The following STXBP6 variants were observed in gnomAD, a reference collection of about 807,000 sequenced individuals.
The protein encoded by STXBP6 is syntaxin binding protein 6.
STXBP6 carries 21 observed loss-of-function variants against 26.9 expected under a neutral mutation model. The ratio of observed to expected loss-of-function variants is 0.78; its 90% CI spans 0.55 to 1.12. The LOEUF (loss-of-function observed/expected upper bound fraction) is 1.12, where lower values mean the gene tolerates loss of function less well. Ranked by LOEUF, STXBP6 falls within the 50% of genes most tolerant of loss-of-function variation. The pLI is 0.00. For synonymous variants in STXBP6, 97 were observed against 92.6 expected (o/e 1.05, Z -0.27); for missense variants, 232 against 257.9 (o/e 0.90, Z 0.69).
chr14:24,955,356 G>A (rs879849513), intron 2 of STXBP6, among the ~76,000 whole-genome samples: 2 of 152,110 alleles, frequency 1.3e-5, no homozygotes, highest in South Asian at 2.1e-4. Flanking sequence ...ACATTCTTCT[G>A]CTCCACCTGC....
chr14:24,995,882 C>T (rs1488075643), intron 1 of STXBP6, among the ~76,000 whole-genome samples: 3 of 152,134 alleles, frequency 2.0e-5, no homozygotes, highest in Non-Finnish European at 4.4e-5. Flanking sequence ...TACTTTATTA[C>T]TGTCTTTTCA....
intron 1 of STXBP6, among the ~76,000 whole-genome samples, chr14:24,998,399 T>G (rs547540270): frequency 6.6e-6 from 1 of 152,216 alleles, no homozygotes; most frequent in Non-Finnish European, 1.5e-5. Flanking sequence ...TGAACTTCGG[T>G]GTTTTTGTTT....
intron 5 of STXBP6, among the ~76,000 whole-genome samples, chr14:24,814,601 AC>A (rs2067917371): frequency 6.6e-6 from 1 of 152,250 alleles, no homozygotes; most frequent in African/African-American, 2.4e-5. Flanking sequence ...CCGGGCCACG[AC>A]CAGCTAAGAT....
intron 1 of STXBP6, among the ~76,000 whole-genome samples, chr14:25,036,179 T>C (rs531895593): frequency 6.7e-5 from 9 of 133,748 alleles, no homozygotes; most frequent in African/African-American, 2.5e-4. Flanking sequence ...ATTGTGCCAC[T>C]GCACTCCAGC....
At chr14:25,025,556 G>A (rs1392971691) in intron 1 of STXBP6, among the ~76,000 whole-genome samples, 2 of 152,176 alleles carry the variant, frequency 1.3e-5, no homozygotes, top group Non-Finnish European at 2.9e-5. Context: ...GTAAGATGTA[G>A]AATTAAGAGA....
Position 24,978,628 on chromosome 14 carries a change from A to T in STXBP6, c.-32-3778T>A, listed in dbSNP as rs577925365. 1.5e-3 allele frequency among the ~76,000 whole-genome samples: 224 copies of T among 152,228 alleles called. 1 individual carries two copies. Among genetic ancestry groups the T allele is most frequent in the African/African-American group, 5.2e-3 (218 of 41,546 alleles). On this transcript the variant is annotated intron_variant, in intron 1 of 5. Coordinates refer to ENST00000323944, the MANE Select transcript of STXBP6 (RefSeq NM_001394410.1). ...TGCTTCTACAGGTTGTAATTACAAA[A>T]TTTTTCCATCCAAGAAACCAACCTA...
In STXBP6 at chr14:24,875,473, C is replaced by T. The variant is rs529061470; in HGVS notation, c.155-18316G>A. Among the ~76,000 whole-genome samples, 3 of 152,272 alleles carry T rather than the reference C, an allele frequency of 2.0e-5. No individual in the cohort carries two copies. In the South Asian group the frequency reaches 6.2e-4, roughly 32 times the overall value. On this transcript the variant is annotated intron_variant, in intron 2 of 5. Coordinates refer to ENST00000323944, the MANE Select transcript of STXBP6 (RefSeq NM_001394410.1). ...TTTATGTCCAGGCATTGTTTTAGGACTCATTTGAGATTCTTAAAAAGATTG... is the reference window on the plus strand; with the variant it reads ...TTTATGTCCAGGCATTGTTTTAGGATTCATTTGAGATTCTTAAAAAGATTG...
Position 25,049,662 on chromosome 14 carries a change from T to C in STXBP6, c.-33+216A>G, listed in dbSNP as rs1021244315. ...AGAACCAGGGACACGAGTCCCTCTC[T>C]GCGCGCACAAAGCAGCTGCGCCGGG... On this transcript the variant is annotated intron_variant, in intron 1 of 5. Coordinates refer to ENST00000323944, the MANE Select transcript of STXBP6 (RefSeq NM_001394410.1). The surrounding 1 kb of genome is among the most constrained non-coding windows in gnomAD (Gnocchi z 5.6). 1.0e-6 allele frequency: 1 copy of C among 985,600 alleles called. No homozygotes were observed. The highest frequency in any genetic ancestry group is 1.7e-5 in the African/African-American group (1 of 57,250). The allele number at this position is 985,600 out of a possible 1,614,324, so 61.1% of individuals were successfully genotyped here. A position where few individuals can be genotyped will look rare whatever the true frequency, so the allele number is the denominator to read the frequency against.
At chr14:24,967,137 G>A (rs1327425558) in intron 2 of STXBP6, among the ~76,000 whole-genome samples, 2 of 152,096 alleles carry the variant, frequency 1.3e-5, no homozygotes, top group African/African-American at 4.8e-5. Context: ...ATCTTGGGCA[G>A]GCTAATTTGC....
At chr14:24,968,275 T>A (rs1418665948) in intron 2 of STXBP6, among the ~76,000 whole-genome samples, 1 of 151,364 alleles carries the variant, frequency 6.6e-6, no homozygotes, top group South Asian at 2.1e-4. Context: ...TTCTTCGTTT[T>A]TCCTGGATAA....
intron 1 of STXBP6, among the ~76,000 whole-genome samples, chr14:24,994,658 C>A (rs867538998): frequency 5.9e-5 from 9 of 152,202 alleles, no homozygotes; most frequent in African/African-American, 1.9e-4. Flanking sequence ...AATACTCCCC[C>A]ATGAATCCAT....
chr14:25,044,766 C>A (rs952940736), intron 1 of STXBP6, among the ~76,000 whole-genome samples: 1 of 152,236 alleles, frequency 6.6e-6, no homozygotes, highest in African/African-American at 2.4e-5. Context: ...ACCACCACCA[C>A]AGATTCAGTA....
intron 4 of STXBP6, among the ~76,000 whole-genome samples, chr14:24,855,400 T>C (rs1045808084): frequency 1.3e-5 from 2 of 152,110 alleles, no homozygotes; most frequent in African/African-American, 4.8e-5. Flanking sequence ...TCTCATTATG[T>C]TGCCGATGCT....
chr14:24,960,532 T>C (rs1212637955), intron 2 of STXBP6, among the ~76,000 whole-genome samples: 1 of 152,208 alleles, frequency 6.6e-6, no homozygotes, highest in Non-Finnish European at 1.5e-5. Flanking sequence ...ATTTTAATAT[T>C]TTATTCTCCT....
chr14:24,877,166 T>G (rs529527719), intron 2 of STXBP6, among the ~76,000 whole-genome samples: 1 of 152,324 alleles, frequency 6.6e-6, no homozygotes, highest in East Asian at 1.9e-4. Context: ...GGTCACTCAC[T>G]GGGGCATCCA....
intron 4 of STXBP6, among the ~76,000 whole-genome samples, chr14:24,826,275 C>T (rs1200399783): frequency 6.6e-6 from 1 of 152,160 alleles, no homozygotes; most frequent in African/African-American, 2.4e-5. Context: ...GCTTCGGTTT[C>T]CTCACCTGTC....
At chr14:24,860,831 C>T (rs2069512549) in intron 2 of STXBP6, among the ~76,000 whole-genome samples, 1 of 151,064 alleles carries the variant, frequency 6.6e-6, no homozygotes, top group African/African-American at 2.4e-5. Flanking sequence ...CCCCCAATAG[C>T]TATAGTTTTG....
chr14:24,974,637 A>C (rs984312935), intron 2 of STXBP6, 28 bp downstream of exon 2: 16 of 1,521,004 alleles, frequency 1.1e-5, no homozygotes, highest in Non-Finnish European at 1.4e-5. Context: ...AAGTTATTTT[A>C]ATAATATTAA....
At chr14:24,817,610 C>T (rs1195984064) in intron 5 of STXBP6, 3 of 164,606 alleles carry the variant, frequency 1.8e-5, no homozygotes, top group East Asian at 3.3e-4. Flanking sequence ...ACGGAAGCTG[C>T]TGTTGTTGTT....
Sources: gnomAD v4.1 joint callset for allele counts (sites outside exome capture counted in the v4.1 genomes callset) on GRCh38, gnomAD v4.1.1 for gene constraint, Gnocchi (gnomAD v3.1) non-coding constraint, MANE v1.5 for transcripts, NCBI Gene and HGNC (gene_info 2026-07-23, HGNC 2026-07-21) for gene names.